RABGAP1: variants seen among roughly 807,000 people sequenced by gnomAD.
RABGAP1 encodes rab GTPase-activating protein 1.
A neutral mutation model predicts 137.6 loss-of-function variants in RABGAP1; 23 were observed. That is an observed-to-expected ratio of 0.17 (90% CI 0.12 to 0.24). The LOEUF (loss-of-function observed/expected upper bound fraction) is 0.24, where lower values mean the gene tolerates loss of function less well. Among genes scored for constraint, RABGAP1 ranks in the 10% least tolerant of loss-of-function variants. RABGAP1 has a pLI of 1.00. For synonymous variants in RABGAP1, 451 were observed against 450.7 expected (o/e 1.00, Z -0.01); for missense variants, 906 against 1,275.8 (o/e 0.71, Z 4.42).
intron 2 of RABGAP1, among the ~76,000 whole-genome samples, chr9:122,960,781 G>A (rs533302689): frequency 4.6e-5 from 7 of 152,228 alleles, no homozygotes; most frequent in South Asian, 2.1e-4. Context: ...AAATGAAGGC[G>A]TGATGATAGT....
Position 122,984,466 on chromosome 9 carries a change from A to T in RABGAP1, c.151-19A>T, listed in dbSNP as rs115721527. The T allele has an allele frequency of 1.9e-6, 3 of 1,601,968 alleles. No individual in the cohort carries two copies. The highest frequency in any genetic ancestry group is 2.6e-6 in the Non-Finnish European group (3 of 1,171,416). ...CAATCTTTGTCACTTTGCTGATTGCATGTATTTGTGACCCTTAGATTGTAG... is the reference window on the plus strand; with the variant it reads ...CAATCTTTGTCACTTTGCTGATTGCTTGTATTTGTGACCCTTAGATTGTAG... On this transcript the variant is annotated intron_variant, in intron 2 of 25. Transcript: ENST00000373647.
intron 13 of RABGAP1, among the ~76,000 whole-genome samples, chr9:123,050,968 TG>T (rs1158652768): frequency 6.6e-6 from 1 of 152,142 alleles, no homozygotes; most frequent in Non-Finnish European, 1.5e-5. Flanking sequence ...TTCTTTTTTT[TG>T]ACAGGGTCTT....
chr9:123,078,336 C>T (rs755174926), intron 19 of RABGAP1, among the ~76,000 whole-genome samples: 1 of 151,702 alleles, frequency 6.6e-6, no homozygotes, highest in Non-Finnish European at 1.5e-5. Flanking sequence ...ATAGGTATTA[C>T]GGCTAACAGT....
At chr9:123,055,138 CATTT>C (rs2033638285) in intron 13 of RABGAP1, among the ~76,000 whole-genome samples, 1 of 152,118 alleles carries the variant, frequency 6.6e-6, no homozygotes, top group South Asian at 2.1e-4. Context: ...TCTTCTCCTC[CATTT>C]ATTTATTCAA....
intron 1 of RABGAP1, among the ~76,000 whole-genome samples, chr9:122,953,526 C>T (rs545203269): frequency 1.6e-4 from 25 of 152,136 alleles, no homozygotes; most frequent in Middle Eastern, 3.4e-3. Flanking sequence ...CTCAGCCTCC[C>T]GAGTAGCTGG....
chr9:122,996,667 T>G (rs1206645019), intron 8 of RABGAP1, 62 bp downstream of exon 8: 2 of 1,351,874 alleles, frequency 1.5e-6, no homozygotes, highest in African/African-American at 1.5e-5. Context: ...TGTTTCACTT[T>G]TTCTCATCTG....
At chr9:123,079,517 G>A (rs761407042) in intron 19 of RABGAP1, among the ~76,000 whole-genome samples, 10 of 151,752 alleles carry the variant, frequency 6.6e-5, no homozygotes, top group Non-Finnish European at 8.8e-5. Context: ...GGGATTACAG[G>A]TGTGAGCCAC....
chr9:123,033,753 G>T (rs868306135), intron 13 of RABGAP1: 16 of 152,174 alleles, frequency 1.1e-4, no homozygotes, highest in African/African-American at 3.9e-4. Flanking sequence ...GTAACATTCT[G>T]AAATTGAACT....
chr9:123,083,928 T>G (rs1275426777), intron 19 of RABGAP1, among the ~76,000 whole-genome samples: 1 of 152,192 alleles, frequency 6.6e-6, no homozygotes, highest in African/African-American at 2.4e-5. Flanking sequence ...AACAAACGCT[T>G]GTAGATTTTC....
intron 2 of RABGAP1, among the ~76,000 whole-genome samples, chr9:122,958,056 T>C (rs1444246232): frequency 6.6e-6 from 1 of 152,206 alleles, no homozygotes; most frequent in Admixed American, 6.5e-5. Context: ...CTTCTATCCC[T>C]ACTGCTCAGT....
intron 21 of RABGAP1, among the ~76,000 whole-genome samples, chr9:123,095,230 A>C (rs1588411195): frequency 7.2e-5 from 9 of 125,020 alleles, no homozygotes; most frequent in East Asian, 2.2e-4. Context: ...TTGTCCCAAA[A>C]AAAAAAAAAA....
chr9:123,054,910 A>G (rs906381029), intron 13 of RABGAP1, among the ~76,000 whole-genome samples: 1 of 152,144 alleles, frequency 6.6e-6, no homozygotes, highest in Non-Finnish European at 1.5e-5. Context: ...TGTCAGCGTG[A>G]CATCAGTGTT....
chr9:123,090,789 A>C (rs1280276078), intron 21 of RABGAP1, among the ~76,000 whole-genome samples: 1 of 152,246 alleles, frequency 6.6e-6, no homozygotes, highest in Non-Finnish European at 1.5e-5. Context: ...GTTGGAATGC[A>C]GCTCAGTACC....
At position 123,098,721 on chromosome 9, in the gene RABGAP1, G is replaced by A; in HGVS notation, c.2740G>A (p.Glu914Lys). 3 of 1,612,980 alleles carry A rather than the reference G, an allele frequency of 1.9e-6. No individual in the cohort carries two copies. The highest frequency in any genetic ancestry group is 2.5e-6 in the Non-Finnish European group (3 of 1,179,594). Residue 914 changes from glutamate to lysine, a missense_variant, in exon 23 of 26, where the codon GAA (glutamate) becomes AAA (lysine). This residue lies in a region of RABGAP1 where 193 missense variants were observed against 248.1 expected (regional missense o/e 0.78). Coordinates refer to ENST00000373647, the MANE Select transcript of RABGAP1 (RefSeq NM_012197.4). ...RLEEESAQLK[E>K]MCRRELDKAE... ...TGTTTTTTTATGTGTGCAGTTAAAAGAAATGTGCCGTCGGGAACTCGACAA... is the reference window on the plus strand; with the variant it reads ...TGTTTTTTTATGTGTGCAGTTAAAAAAAATGTGCCGTCGGGAACTCGACAA...
At chr9:123,079,376 A>G (rs538240982) in intron 19 of RABGAP1, among the ~76,000 whole-genome samples, 2 of 151,164 alleles carry the variant, frequency 1.3e-5, no homozygotes, top group East Asian at 3.9e-4. Context: ...AGTAACTGAG[A>G]TTACAGGTGC....
Position 123,103,253 on chromosome 9 carries a change from A to G in RABGAP1, c.*40A>G. On this transcript the variant is annotated 3_prime_UTR_variant, in exon 26 of 26. Coordinates refer to ENST00000373647, the MANE Select transcript of RABGAP1 (RefSeq NM_012197.4). Reference sequence around the variant, plus strand: ...TCCCGACACCTTCAGAAAACACGACACCTTTTGTTGCCTTCTTTGGCCAGA... The same window carrying G: ...TCCCGACACCTTCAGAAAACACGACGCCTTTTGTTGCCTTCTTTGGCCAGA... The G allele has an allele frequency of 6.2e-7, 1 of 1,609,868 alleles. No homozygotes were observed. The highest frequency in any genetic ancestry group is 8.5e-7 in the Non-Finnish European group (1 of 1,178,212).
chr9:122,931,683 C>T, the RABGAP1 span, among the ~76,000 whole-genome samples: 1 of 152,242 alleles, frequency 6.6e-6, no homozygotes, highest in African/African-American at 2.4e-5. Context: ...AGACGGAGGG[C>T]ACCGTACTCT....
rs549702239 is a variant in RABGAP1, at chr9:122,941,229, C to T, written c.-50+136C>T. The T allele has an allele frequency of 2.5e-4, 38 of 152,452 alleles. 1 individual carries two copies. Among genetic ancestry groups the T allele is most frequent in the Middle Eastern group, 3.4e-3 (1 of 298 alleles). The allele number at this position is 152,452 out of a possible 1,614,324, so 9.4% of individuals were successfully genotyped here. The stretch of plus-strand genomic sequence containing the variant: ...CGGGCCAGTGGAGCTGCTCTCAGCT[C>T]CCTCGACGGGCCGAGTTCTGAGGGG... On this transcript the variant is annotated intron_variant, in intron 1 of 25. Coordinates refer to ENST00000373647, the MANE Select transcript of RABGAP1 (RefSeq NM_012197.4).
At chr9:123,030,762 T>C (rs1390192260) in intron 13 of RABGAP1, among the ~76,000 whole-genome samples, 3 of 152,202 alleles carry the variant, frequency 2.0e-5, no homozygotes, top group Admixed American at 1.3e-4. Flanking sequence ...CCTAGAGTGG[T>C]ATGGAACACT....
Sources: allele counts gnomAD v4.1 joint callset (sites outside exome capture counted in the v4.1 genomes callset), GRCh38; gene constraint gnomAD v4.1.1; regional missense constraint gnomAD v4.1.1; transcripts MANE v1.5; gene names NCBI Gene and HGNC (gene_info 2026-07-23, HGNC 2026-07-21).